The following NCKAP5 variants were observed in gnomAD, a reference collection of about 807,000 sequenced individuals.
The protein encoded by NCKAP5 is NCK associated protein 5, also known as nck-associated protein 5.
A neutral mutation model predicts 167.0 loss-of-function variants in NCKAP5; 92 were observed. That is an observed-to-expected ratio of 0.55 (90% confidence interval 0.47 to 0.66). The LOEUF (loss-of-function observed/expected upper bound fraction) is 0.66. NCKAP5 is among the 30% of genes least tolerant of loss of function. The pLI is 0.00. For missense variants in NCKAP5, 2,378 were observed against 2,315.0 expected (o/e 1.03, Z -0.56); for synonymous variants, 891 against 877.4 (o/e 1.02, Z -0.27).
In NCKAP5 at chr2:132,882,474, C is replaced by T. The variant is rs568543799; in HGVS notation, c.580-3558G>A. ...ACTCAGGCTCTCAGCATTATTTTAACTCCTTTGTTCAATCTTACCATGTGT... is the reference window on the plus strand; with the variant it reads ...ACTCAGGCTCTCAGCATTATTTTAATTCCTTTGTTCAATCTTACCATGTGT... On this transcript the variant is annotated intron_variant, in intron 8 of 19. Coordinates refer to ENST00000409261, the MANE Select transcript of NCKAP5 (RefSeq NM_207363.3). 2.6e-5 allele frequency among the ~76,000 whole-genome samples: 4 copies of T among 152,278 alleles called. No individual in the cohort carries two copies. In the East Asian group the frequency reaches 7.7e-4, roughly 29 times the overall value.
chr2:132,905,785 G>T (rs1169943963), intron 8 of NCKAP5, among the ~76,000 whole-genome samples: 1 of 151,970 alleles, frequency 6.6e-6, no homozygotes, highest in Non-Finnish European at 1.5e-5. Context: ...ACTCATACCT[G>T]ACCACCTTAC....
intron 11 of NCKAP5, among the ~76,000 whole-genome samples, chr2:132,837,591 ATTTTC>A (rs1191846382): frequency 5.2e-4 from 78 of 150,928 alleles, no homozygotes; most frequent in Non-Finnish European, 1.1e-3. Context: ...TGTTTTTTCA[ATTTTC>A]TTCTGTTCAC....
At chr2:132,717,888 A>G (rs1256859840) in intron 19 of NCKAP5, among the ~76,000 whole-genome samples, 3 of 152,170 alleles carry the variant, frequency 2.0e-5, no homozygotes, top group African/African-American at 7.2e-5. Flanking sequence ...TTTTGAGGGT[A>G]TGAGGCTGGA....
chr2:133,602,456 G>A, the NCKAP5 span, among the ~76,000 whole-genome samples: 1 of 152,170 alleles, frequency 6.6e-6, no homozygotes. Flanking sequence ...AGACTAAGGT[G>A]CTGGTCCTTT....
intron 6 of NCKAP5, among the ~76,000 whole-genome samples, chr2:133,023,610 G>A (rs1007141588): frequency 4.6e-5 from 7 of 152,054 alleles, no homozygotes; most frequent in South Asian, 4.1e-4. Flanking sequence ...TCCCTTCCAC[G>A]TCTAGTAGTT....
chr2:133,246,301 A>G lies in NCKAP5; in HGVS notation c.144-32522T>C, dbSNP rs527961327. On this transcript the variant is annotated intron_variant, in intron 4 of 19. Coordinates refer to ENST00000409261, the MANE Select transcript of NCKAP5 (RefSeq NM_207363.3). ...GTCTATCCTCAAATGGAGCAATGAC[A>G]TGAAAAAAAGCTTGTTAAAAATATG... 1.8e-3 allele frequency among the ~76,000 whole-genome samples: 278 copies of G among 152,306 alleles called. 1 individual carries two copies. The highest frequency in any genetic ancestry group is 6.4e-3 in the African/African-American group (265 of 41,574).
chr2:132,962,077 T>C (rs1310797575), intron 8 of NCKAP5, among the ~76,000 whole-genome samples: 2 of 152,192 alleles, frequency 1.3e-5, no homozygotes, highest in Non-Finnish European at 2.9e-5. Flanking sequence ...TTAGTTGATA[T>C]TTGTTCTGCT....
intron 5 of NCKAP5, among the ~76,000 whole-genome samples, chr2:133,137,955 C>T (rs781419408): frequency 5.1e-4 from 77 of 152,090 alleles, no homozygotes; most frequent in Non-Finnish European, 1.0e-3. Flanking sequence ...GAGGTGGGGT[C>T]GTACAATCTA....
intron 16 of NCKAP5, among the ~76,000 whole-genome samples, chr2:132,752,648 T>C (rs1680213335): frequency 6.6e-6 from 1 of 152,206 alleles, no homozygotes; most frequent in South Asian, 2.1e-4. Context: ...CTAATTATCC[T>C]GTTAAAATCT....
At chr2:133,619,262 A>T in the NCKAP5 span, among the ~76,000 whole-genome samples, 7 of 128,300 alleles carry the variant, frequency 5.5e-5, no homozygotes, top group South Asian at 2.0e-3. Context: ...ATATGTAACT[A>T]ACCTGCACAT....
In NCKAP5 at chr2:133,013,350, T is replaced by C. The variant is rs76285627; in HGVS notation, c.342-19111A>G. Among the ~76,000 whole-genome samples, 989 of 152,284 alleles carry C rather than the reference T, an allele frequency of 6.5e-3. 11 individuals are homozygous for C. The highest frequency in any genetic ancestry group is 0.022 in the African/African-American group (931 of 41,560). ...CGTTTTCACACTGGTGATAAAGACA[T>C]GAGACTGGGCAATTTACAAAAGATA... is the stretch of plus-strand genomic sequence containing the variant. On this transcript the variant is annotated intron_variant, in intron 6 of 19. Transcript: ENST00000409261.
chr2:133,045,372 T>G (rs1012324128), intron 6 of NCKAP5, among the ~76,000 whole-genome samples: 1 of 151,910 alleles, frequency 6.6e-6, no homozygotes, highest in African/African-American at 2.4e-5. Context: ...AGTATATATA[T>G]CTATATCTAT....
At chr2:133,332,114 C>T (rs1682895715) in intron 3 of NCKAP5, among the ~76,000 whole-genome samples, 2 of 152,160 alleles carry the variant, frequency 1.3e-5, no homozygotes, top group Non-Finnish European at 2.9e-5. Flanking sequence ...TCAGATAGTA[C>T]CTTGGAGCTT....
chr2:132,914,379 A>C (rs140689301), intron 8 of NCKAP5, among the ~76,000 whole-genome samples: 13 of 151,198 alleles, frequency 8.6e-5, no homozygotes, highest in Non-Finnish European at 1.6e-4. Context: ...TTATGATAAA[A>C]ATTTTAGAAA....
intron 8 of NCKAP5, among the ~76,000 whole-genome samples, chr2:132,940,855 T>C (rs1239275522): frequency 6.6e-6 from 1 of 152,028 alleles, no homozygotes; most frequent in Non-Finnish European, 1.5e-5. Context: ...CTTTTCTTCT[T>C]CTTTTTCATT....
intron 11 of NCKAP5, among the ~76,000 whole-genome samples, chr2:132,822,650 T>A (rs1686834790): frequency 6.6e-6 from 1 of 151,948 alleles, no homozygotes; most frequent in South Asian, 2.1e-4. Flanking sequence ...CAAAACAGGG[T>A]TCTATAACAA....
chr2:132,870,219 T>C (rs1375110648), intron 9 of NCKAP5, among the ~76,000 whole-genome samples: 1 of 152,188 alleles, frequency 6.6e-6, no homozygotes, highest in Non-Finnish European at 1.5e-5. Context: ...TTAAGATTTC[T>C]TTTTCATCTG....
intron 3 of NCKAP5, among the ~76,000 whole-genome samples, chr2:133,345,496 G>A (rs898168860): frequency 6.6e-6 from 1 of 152,072 alleles, no homozygotes; most frequent in Admixed American, 6.5e-5. Context: ...CTTAACCCTC[G>A]GTACACATTA....
At chr2:132,720,897 G>A (rs1689854303) in intron 19 of NCKAP5, among the ~76,000 whole-genome samples, 1 of 152,096 alleles carries the variant, frequency 6.6e-6, no homozygotes, top group Non-Finnish European at 1.5e-5. Context: ...TGTAATCTCA[G>A]CTACTCAGGA....
Sources: allele counts gnomAD v4.1 joint callset (sites outside exome capture counted in the v4.1 genomes callset), GRCh38; gene constraint gnomAD v4.1.1; transcripts MANE v1.5; gene names NCBI Gene and HGNC (gene_info 2026-07-23, HGNC 2026-07-21).